The following HTR2A variants were observed in gnomAD, a reference collection of about 807,000 sequenced individuals.
The protein encoded by HTR2A is 5-hydroxytryptamine receptor 2A.
A neutral mutation model predicts 31.0 loss-of-function variants in HTR2A; 14 were observed. That is an observed-to-expected ratio of 0.45 (90% CI 0.30 to 0.71). HTR2A has a LOEUF of 0.71. HTR2A is among the 30% of genes least tolerant of loss of function. HTR2A has a pLI of 0.09. For synonymous variants in HTR2A, 209 were observed against 225.2 expected (o/e 0.93, Z 0.64); for missense variants, 442 against 573.3 (o/e 0.77, Z 2.34).
chr13:46,835,076 G>A lies in HTR2A; in HGVS notation c.1177C>T (p.Arg393Trp), dbSNP rs1462498007. The change falls in exon 4 of 4, where the codon CGG becomes TGG. Residue 393 changes from arginine (R) to tryptophan (W), a missense_variant. By Grantham distance (101) the Arg-to-Trp change is moderately radical (BLOSUM62 -3). Around this residue, in one of 5 missense-constraint regions of HTR2A, gnomAD observed 11 missense variants for 31.3 expected, o/e 0.35. Coordinates refer to ENST00000542664, the MANE Select transcript of HTR2A (RefSeq NM_000621.5). ...FNKTYRSAFS[R>W]YIQCQYKENK... ...TCCTTGTACTGACACTGAATATACCGTGAAAAGGCTGACCTATAGGTCTTG... is the reference window on the plus strand; with the variant it reads ...TCCTTGTACTGACACTGAATATACCATGAAAAGGCTGACCTATAGGTCTTG... The A allele has an allele frequency of 1.1e-5, 17 of 1,613,928 alleles. No individual in the cohort carries two copies. Among genetic ancestry groups the A allele is most frequent in the East Asian group, 2.2e-5 (1 of 44,898 alleles).
intron 3 of HTR2A, among the ~76,000 whole-genome samples, chr13:46,853,422 T>C (rs1156442572): frequency 6.6e-6 from 1 of 151,622 alleles, no homozygotes; most frequent in African/African-American, 2.4e-5. Flanking sequence ...TCTCTTCCCT[T>C]GCTGTGTGCT....
At chr13:46,871,146 T>C (rs113624003) in intron 3 of HTR2A, among the ~76,000 whole-genome samples, 4 of 152,346 alleles carry the variant, frequency 2.6e-5, no homozygotes, top group African/African-American at 9.6e-5. Flanking sequence ...TGCTAGCTTA[T>C]TGCTGTTTAC....
intron 3 of HTR2A, among the ~76,000 whole-genome samples, chr13:46,863,502 A>C (rs1950795208): frequency 6.6e-6 from 1 of 151,780 alleles, no homozygotes; most frequent in Non-Finnish European, 1.5e-5. Flanking sequence ...GTGTGCCTGT[A>C]GTCCCAGCTA....
At chr13:46,874,453 A>G (rs1950890236) in intron 3 of HTR2A, among the ~76,000 whole-genome samples, 3 of 152,020 alleles carry the variant, frequency 2.0e-5, no homozygotes. Context: ...TTCTCTTCTC[A>G]CTTATTCAGT....
chr13:46,862,141 G>A (rs1950783605), intron 3 of HTR2A, among the ~76,000 whole-genome samples: 1 of 152,140 alleles, frequency 6.6e-6, no homozygotes, highest in Non-Finnish European at 1.5e-5. Flanking sequence ...TAAGTTCCTT[G>A]CCAGATCTAT....
At chr13:46,859,100 G>A (rs1950761042) in intron 3 of HTR2A, among the ~76,000 whole-genome samples, 1 of 152,164 alleles carries the variant, frequency 6.6e-6, no homozygotes. Context: ...GAAAGAAACA[G>A]ATACTCAACA....
chr13:46,887,377 C>A (rs563693092), intron 3 of HTR2A, among the ~76,000 whole-genome samples: 1 of 148,472 alleles, frequency 6.7e-6, no homozygotes, highest in African/African-American at 2.5e-5. Flanking sequence ...GAGCCGAGAT[C>A]GCGCCACTGC....
intron 2 of HTR2A, among the ~76,000 whole-genome samples, chr13:46,894,005 T>C (rs1479548688): frequency 6.6e-6 from 1 of 152,220 alleles, no homozygotes; most frequent in Non-Finnish European, 1.5e-5. Flanking sequence ...TGCAGCGCCT[T>C]ATGGGGGAAG....
Position 46,832,978 on chromosome 13 carries a change from G to A in HTR2A, c.*1859C>T, listed in dbSNP as rs1876300578. ...TGTTGTTAATCTCTTTTTCTCTTTA[G>A]TAACCATTTCAATGAAATATTATAA... On this transcript the variant is annotated 3_prime_UTR_variant, in exon 4 of 4. Transcript: ENST00000542664. 6.6e-6 allele frequency: 1 copy of A among 151,948 alleles called. No homozygotes were observed. The highest frequency in any genetic ancestry group is 6.6e-5 in the Admixed American group (1 of 15,252). 9.4% of individuals were successfully genotyped at this position (151,948 alleles called of 1,614,324 possible). A position where few individuals can be genotyped will look rare whatever the true frequency, so the allele number is the denominator to read the frequency against.
intron 3 of HTR2A, among the ~76,000 whole-genome samples, chr13:46,847,658 G>A (rs1002406597): frequency 6.6e-6 from 1 of 152,074 alleles, no homozygotes; most frequent in African/African-American, 2.4e-5. Flanking sequence ...CATCTCTTAT[G>A]GACTTCTCAT....
At chr13:46,873,092 T>C (rs1950876600) in intron 3 of HTR2A, among the ~76,000 whole-genome samples, 1 of 152,114 alleles carries the variant, frequency 6.6e-6, no homozygotes, top group South Asian at 2.1e-4. Context: ...AGACAAATTC[T>C]CATTCAAAGG....
chr13:46,858,725 C>T (rs571865414), intron 3 of HTR2A, among the ~76,000 whole-genome samples: 11 of 152,054 alleles, frequency 7.2e-5, no homozygotes, highest in African/African-American at 1.9e-4. Context: ...TTAGGGATAC[C>T]GAGGTGGCAG....
chr13:46,837,658 T>A (rs1950571125), intron 3 of HTR2A, among the ~76,000 whole-genome samples: 1 of 152,168 alleles, frequency 6.6e-6, no homozygotes, highest in African/African-American at 2.4e-5. Context: ...GGAAAAAGGT[T>A]TTTGGAGAAT....
intron 3 of HTR2A, among the ~76,000 whole-genome samples, chr13:46,871,732 A>C (rs1186167877): frequency 6.6e-6 from 1 of 152,152 alleles, no homozygotes; most frequent in African/African-American, 2.4e-5. Context: ...CATTTTTGAC[A>C]CCTAACTGGC....
chr13:46,874,741 AG>A (rs1391859300), intron 3 of HTR2A, among the ~76,000 whole-genome samples: 3 of 152,390 alleles, frequency 2.0e-5, no homozygotes, highest in Middle Eastern at 3.4e-3. Context: ...TTGGAGCCAT[AG>A]TAGAACTGTT....
At chr13:46,890,707 C>T (rs1482516999) in intron 3 of HTR2A, among the ~76,000 whole-genome samples, 1 of 152,158 alleles carries the variant, frequency 6.6e-6, no homozygotes, top group Non-Finnish European at 1.5e-5. Context: ...GCATTTGTCT[C>T]ACCAATGGCA....
At chr13:46,851,713 A>G (rs1482647082) in intron 3 of HTR2A, among the ~76,000 whole-genome samples, 1 of 152,200 alleles carries the variant, frequency 6.6e-6, no homozygotes, top group Non-Finnish European at 1.5e-5. Context: ...TGATATATTC[A>G]CCGCTTTTCT....
intron 3 of HTR2A, among the ~76,000 whole-genome samples, chr13:46,886,702 A>T (rs1295369396): frequency 6.6e-6 from 1 of 152,144 alleles, no homozygotes; most frequent in Non-Finnish European, 1.5e-5. Flanking sequence ...GGATGTTAAG[A>T]AGTTAAGATT....
At position 46,896,022 on chromosome 13, in the gene HTR2A, T is replaced by C; in HGVS notation, c.-116A>G. On this transcript the variant is annotated 5_prime_UTR_variant, in exon 2 of 4. Transcript: ENST00000542664. ...GTAACACTGAGGCTGGTGTACATGC[T>C]GTTCTCCCGGGGCTGGATTTTTGTC... 2.1e-6 allele frequency: 3 copies of C among 1,455,290 alleles called. No individual in the cohort carries two copies. The highest frequency in any genetic ancestry group is 2.7e-6 in the Non-Finnish European group (3 of 1,111,900). 90.1% of individuals were successfully genotyped at this position (1,455,290 alleles called of 1,614,324 possible).
Sources: allele counts gnomAD v4.1 joint callset (sites outside exome capture counted in the v4.1 genomes callset), GRCh38; gene constraint gnomAD v4.1.1; regional missense constraint gnomAD v4.1.1; transcripts MANE v1.5; gene names NCBI Gene and HGNC (gene_info 2026-07-23, HGNC 2026-07-21).